Variants in PCDH11X observed in about 807,000 individuals in gnomAD.
PCDH11X encodes the protein protocadherin 11 X-linked, also known as protocadherin-11 X-linked.
In PCDH11X, 18 loss-of-function variants were observed where a neutral mutation model predicts 53.3. That is an observed-to-expected ratio of 0.34 (90% CI 0.23 to 0.50). The LOEUF (loss-of-function observed/expected upper bound fraction) is 0.50, where lower values mean the gene tolerates loss of function less well. Ranked by LOEUF, PCDH11X falls within the 20% of genes least tolerant of loss-of-function variation. PCDH11X has a pLI of 0.98. For missense variants in PCDH11X, 570 were observed against 1,032.4 expected (o/e 0.55, Z 6.14); for synonymous variants, 279 against 393.3 (o/e 0.71, Z 3.44).
At chrX:91,970,185 C>A (rs1265917988) in intron 6 of PCDH11X, among the ~76,000 whole-genome samples, 2 of 110,723 alleles carry the variant, frequency 1.8e-5, no homozygotes, top group African/African-American at 6.6e-5. Flanking sequence ...CAGTGCGGAC[C>A]CAAAAAGTGA....
intron 8 of PCDH11X, among the ~76,000 whole-genome samples, chrX:92,379,069 GCT>G (rs2070814690): frequency 8.9e-6 from 1 of 112,945 alleles, no homozygotes; most frequent in Non-Finnish European, 1.9e-5. Context: ...AGGGTTGCAT[GCT>G]CCATGGAGCC....
In PCDH11X at chrX:92,284,746, G is replaced by A. The variant is rs190047680; in HGVS notation, c.3144+21603G>A. Among the ~76,000 whole-genome samples the A allele has an allele frequency of 2.6e-3, 295 of 112,193 alleles. 4 individuals carry two copies. The highest frequency in any genetic ancestry group is 0.024 in the Admixed American group (256 of 10,536). Reference sequence around the variant, plus strand: ...ATGTTTGAACAGAATATTTTCTAATGTAATATATAGATTTTATTTGTGGGA... The same window carrying A: ...ATGTTTGAACAGAATATTTTCTAATATAATATATAGATTTTATTTGTGGGA... On this transcript the variant is annotated intron_variant, in intron 8 of 10. Transcript: ENST00000682573.
chrX:91,875,640 A>T, intron 5 of PCDH11X, among the ~76,000 whole-genome samples: 1 of 110,024 alleles, frequency 9.1e-6, no homozygotes. Flanking sequence ...GTGGGCATGA[A>T]TTGAAAATAG....
intron 7 of PCDH11X, among the ~76,000 whole-genome samples, chrX:92,208,964 T>C (rs1353441290): frequency 9.0e-6 from 1 of 110,698 alleles, no homozygotes; most frequent in Non-Finnish European, 1.9e-5. Flanking sequence ...GGAAGTCCTA[T>C]GCACTTTCAA....
At chrX:92,072,670 A>G (rs1219792041) in intron 6 of PCDH11X, among the ~76,000 whole-genome samples, 2 of 111,385 alleles carry the variant, frequency 1.8e-5, no homozygotes, top group Non-Finnish European at 3.8e-5. Flanking sequence ...CTATGATGCA[A>G]TACAAAGTCT....
chrX:92,045,665 C>T (rs971832177), intron 6 of PCDH11X, among the ~76,000 whole-genome samples: 5 of 103,255 alleles, frequency 4.8e-5, no homozygotes, highest in Non-Finnish European at 3.9e-5. Context: ...TCAGGCCAGG[C>T]GTGGTGGCTC....
At chrX:92,484,809 A>T in intron 10 of PCDH11X, among the ~76,000 whole-genome samples, 1 of 110,740 alleles carries the variant, frequency 9.0e-6, no homozygotes, top group East Asian at 2.8e-4. Flanking sequence ...AGGTGCACCA[A>T]AATCTCAGAA....
At chrX:91,990,444 T>C (rs2062303436) in intron 6 of PCDH11X, among the ~76,000 whole-genome samples, 1 of 110,231 alleles carries the variant, frequency 9.1e-6, no homozygotes, top group South Asian at 3.9e-4. Context: ...CTAACAATTC[T>C]GTCATTCTGG....
At chrX:92,067,682 GAGTTTGGC>G (rs113963260) in intron 6 of PCDH11X, among the ~76,000 whole-genome samples, 9,518 of 111,305 alleles carry the variant, frequency 0.086, 878 homozygotes, top group African/African-American at 0.27. Context: ...CATGTTGAAT[GAGTTTGGC>G]AACAGTCCCT....
At chrX:91,939,417 C>A (rs964587538) in intron 6 of PCDH11X, among the ~76,000 whole-genome samples, 63 of 110,170 alleles carry the variant, frequency 5.7e-4, no homozygotes, top group Non-Finnish European at 8.9e-4. Context: ...GTGAGACAGG[C>A]AGAAAGAAAA....
chrX:91,894,209 T>C (rs964713825), intron 6 of PCDH11X, among the ~76,000 whole-genome samples: 2 of 112,025 alleles, frequency 1.8e-5, no homozygotes, highest in East Asian at 2.8e-4. Flanking sequence ...AATGTTTCTT[T>C]TGCTCAGTTA....
chrX:92,593,869 G>T (rs981621708), intron 10 of PCDH11X, among the ~76,000 whole-genome samples: 6 of 100,422 alleles, frequency 6.0e-5, no homozygotes, highest in Non-Finnish European at 1.0e-4. Context: ...TTACCTCATG[G>T]TCAAACTGAT....
chrX:92,561,765 C>G (rs2075134891), intron 10 of PCDH11X, among the ~76,000 whole-genome samples: 1 of 106,789 alleles, frequency 9.4e-6, no homozygotes, highest in Admixed American at 1.0e-4. Flanking sequence ...AGAGAACTCC[C>G]CAAACCTATC....
chrX:92,099,948 G>T (rs914717882), intron 6 of PCDH11X, among the ~76,000 whole-genome samples: 5 of 110,853 alleles, frequency 4.5e-5, no homozygotes, highest in Non-Finnish European at 9.4e-5. Flanking sequence ...ATGAATGATG[G>T]CTGCACTCCA....
In PCDH11X at chrX:92,247,320, C is replaced by T. The variant is rs776016616; in HGVS notation, c.3115-15794C>T. On this transcript the variant is annotated intron_variant, in intron 7 of 10. Coordinates refer to ENST00000682573, the MANE Select transcript of PCDH11X (RefSeq NM_032968.5). ...TTCATCTCAACTCTCCAGAAACTTA[C>T]ATATTTGTGGTCAACAGTCTTTCCA... 3.6e-5 allele frequency among the ~76,000 whole-genome samples: 4 copies of T among 111,444 alleles called. No homozygotes were observed. The South Asian group carries it at 1.5e-3, about 42-fold the overall frequency.
intron 7 of PCDH11X, among the ~76,000 whole-genome samples, chrX:92,232,964 C>T (rs62600691): frequency 2.7e-5 from 3 of 111,454 alleles, no homozygotes; most frequent in Non-Finnish European, 5.6e-5. Context: ...ATCCGCCCAC[C>T]GCGGCCTCCC....
chrX:92,231,252 C>A (rs2148370261), intron 7 of PCDH11X, among the ~76,000 whole-genome samples: 1 of 110,984 alleles, frequency 9.0e-6, no homozygotes, highest in South Asian at 3.8e-4. Flanking sequence ...TTTGAGGTAT[C>A]AGAAGAGAAT....
At chrX:91,892,063 A>G (rs1183395749) in intron 6 of PCDH11X, among the ~76,000 whole-genome samples, 1 of 101,670 alleles carries the variant, frequency 9.8e-6, no homozygotes, top group Non-Finnish European at 2.0e-5. Context: ...GAGAGAGAGA[A>G]TATCACTAGT....
At chrX:92,221,898 A>G (rs1338329260) in intron 7 of PCDH11X, among the ~76,000 whole-genome samples, 2 of 109,917 alleles carry the variant, frequency 1.8e-5, no homozygotes, top group Non-Finnish European at 3.8e-5. Context: ...TGCAATCACG[A>G]TCTCAGCTCA....
Sources: gnomAD v4.1 joint callset for allele counts (sites outside exome capture counted in the v4.1 genomes callset) on GRCh38, gnomAD v4.1.1 for gene constraint, MANE v1.5 for transcripts, NCBI Gene and HGNC (gene_info 2026-07-23, HGNC 2026-07-21) for gene names.